EPHA6: variants seen among roughly 807,000 people sequenced by gnomAD.
EPHA6 encodes ephrin type-A receptor 6.
In EPHA6, 50 loss-of-function variants were observed where a neutral mutation model predicts 112.0. The observed-to-expected ratio is 0.45, with a 90% CI of 0.36 to 0.56. EPHA6 has a LOEUF of 0.56. EPHA6 is among the 20% of genes least tolerant of loss of function. The pLI, the probability that EPHA6 is intolerant of heterozygous loss-of-function variation, is 0.00. For missense variants in EPHA6, 1,280 were observed against 1,417.4 expected (o/e 0.90, Z 1.56); for synonymous variants, 529 against 490.7 (o/e 1.08, Z -1.03).
intron 5 of EPHA6, among the ~76,000 whole-genome samples, chr3:97,338,260 T>A (rs2083149815): frequency 6.6e-6 from 1 of 152,138 alleles, no homozygotes. Flanking sequence ...ATAGTCACAG[T>A]AGGTATGCAA....
In EPHA6 at chr3:96,945,938, G is replaced by A. The variant is rs144514534; in HGVS notation, c.451-41392G>A. ...AAAATACCATGTGTCTACCATTATA[G>A]TATCATACACAGTATATTCCTTGCC... On this transcript the variant is annotated intron_variant, in intron 2 of 17. Coordinates refer to ENST00000389672, the MANE Select transcript of EPHA6 (RefSeq NM_001080448.3). Among the ~76,000 whole-genome samples, 38 of 152,106 alleles carry A rather than the reference G, an allele frequency of 2.5e-4. No homozygotes were observed. The East Asian group carries it at 5.8e-3, about 23-fold the overall frequency.
At chr3:97,466,607 C>A (rs751913763) in intron 7 of EPHA6, 5 of 636,338 alleles carry the variant, frequency 7.9e-6, no homozygotes, top group African/African-American at 1.9e-5. Flanking sequence ...TCAGTATTCT[C>A]ATGTATTTGC....
At chr3:97,345,137 A>G (rs1358014238) in intron 5 of EPHA6, among the ~76,000 whole-genome samples, 2 of 152,206 alleles carry the variant, frequency 1.3e-5, no homozygotes, top group Non-Finnish European at 2.9e-5. Context: ...TCACATGTAC[A>G]TAACATTGAG....
intron 1 of EPHA6, among the ~76,000 whole-genome samples, chr3:96,858,750 A>G (rs1484130738): frequency 6.6e-6 from 1 of 152,108 alleles, no homozygotes; most frequent in Non-Finnish European, 1.5e-5. Flanking sequence ...AAATGGGGAT[A>G]GATGTCCAGG....
rs1318763310 is a variant in EPHA6 at position 97,646,261 on chromosome 3, C to A, written c.2784+8179C>A. ...AAGAGAAACAGAAGGGCCATGGGAGCCAGTGGCCAGACCAGAAAGCAATGT... is the reference window on the plus strand; with the variant it reads ...AAGAGAAACAGAAGGGCCATGGGAGACAGTGGCCAGACCAGAAAGCAATGT... On this transcript the variant is annotated intron_variant, in intron 14 of 17. Coordinates refer to ENST00000389672, the MANE Select transcript of EPHA6 (RefSeq NM_001080448.3). 5 of 1,533,912 alleles carry A rather than the reference C, an allele frequency of 3.3e-6. No individual in the cohort carries two copies. The African/African-American group carries it at 6.9e-5, about 21-fold the overall frequency.
At chr3:96,927,172 G>A (rs574169455) in intron 2 of EPHA6, among the ~76,000 whole-genome samples, 3 of 152,324 alleles carry the variant, frequency 2.0e-5, no homozygotes, top group East Asian at 1.9e-4. Context: ...AGCAACAGCC[G>A]GAGCTGTACC....
chr3:97,525,286 T>G (rs1210673945), intron 10 of EPHA6, among the ~76,000 whole-genome samples: 2 of 152,176 alleles, frequency 1.3e-5, no homozygotes, highest in East Asian at 3.9e-4. Flanking sequence ...TTCAAACTAT[T>G]GAGTTTTTCA....
intron 2 of EPHA6, among the ~76,000 whole-genome samples, chr3:96,963,360 C>T (rs2042013487): frequency 6.6e-6 from 1 of 152,212 alleles, no homozygotes; most frequent in East Asian, 1.9e-4. Context: ...TTTCCATCCC[C>T]TCATGCACAA....
chr3:97,590,693 T>A (rs2093535411), intron 11 of EPHA6, among the ~76,000 whole-genome samples: 1 of 152,172 alleles, frequency 6.6e-6, no homozygotes, highest in Admixed American at 6.5e-5. Flanking sequence ...AATAAATCCA[T>A]AATCAGCTAA....
chr3:97,545,775 A>G (rs973302833), intron 11 of EPHA6, among the ~76,000 whole-genome samples: 8 of 152,156 alleles, frequency 5.3e-5, no homozygotes, highest in Non-Finnish European at 8.8e-5. Flanking sequence ...TATATTTAGG[A>G]TAGTTAGCTC....
chr3:97,113,865 A>C (rs2108288046), intron 3 of EPHA6, among the ~76,000 whole-genome samples: 1 of 152,272 alleles, frequency 6.6e-6, no homozygotes, highest in African/African-American at 2.4e-5. Context: ...AAAGAAAAAC[A>C]AAAACAATAT....
At chr3:96,964,262 G>T (rs1460042056) in intron 2 of EPHA6, among the ~76,000 whole-genome samples, 3 of 152,132 alleles carry the variant, frequency 2.0e-5, no homozygotes, top group African/African-American at 7.2e-5. Context: ...CCTGAGGCTG[G>T]AAGGCCCAAT....
At chr3:97,448,827 C>T in intron 7 of EPHA6, 97 bp downstream of exon 7, 2 of 1,136,376 alleles carry the variant, frequency 1.8e-6, no homozygotes, top group Non-Finnish European at 2.6e-6. Context: ...TTTTTAATAG[C>T]TTGTTTAAAT....
intron 14 of EPHA6, among the ~76,000 whole-genome samples, chr3:97,675,150 A>G (rs2031242902): frequency 6.6e-6 from 1 of 152,204 alleles, no homozygotes; most frequent in Admixed American, 6.6e-5. Context: ...GTTAAACAAA[A>G]CATGCAGAAC....
chr3:96,855,942 G>A (rs1447979513), intron 1 of EPHA6, among the ~76,000 whole-genome samples: 1 of 152,086 alleles, frequency 6.6e-6, no homozygotes, highest in Non-Finnish European at 1.5e-5. Flanking sequence ...GACTTGGCCT[G>A]GGTGGCTTTC....
chr3:97,696,153 A>G (rs189054194), intron 14 of EPHA6, among the ~76,000 whole-genome samples: 3 of 152,304 alleles, frequency 2.0e-5, no homozygotes, highest in East Asian at 1.9e-4. Flanking sequence ...TTTTTCCCCA[A>G]CACTGCTTGT....
intron 4 of EPHA6, among the ~76,000 whole-genome samples, chr3:97,233,183 G>A (rs2078580939): frequency 6.6e-6 from 1 of 152,000 alleles, no homozygotes; most frequent in South Asian, 2.1e-4. Context: ...TGACATTCTT[G>A]GGGTGGAGGG....
chr3:97,266,767 T>C (rs1400946290), intron 5 of EPHA6, among the ~76,000 whole-genome samples: 1 of 131,122 alleles, frequency 7.6e-6, no homozygotes, highest in Non-Finnish European at 1.5e-5. Context: ...TCTGGAAAAC[T>C]AGTAAAGGAT....
intron 10 of EPHA6, among the ~76,000 whole-genome samples, chr3:97,484,975 A>C (rs1346554001): frequency 6.6e-6 from 1 of 152,252 alleles, no homozygotes; most frequent in African/African-American, 2.4e-5. Flanking sequence ...ATTGCTAGAG[A>C]GTTTGGAAAC....
Sources: allele counts gnomAD v4.1 joint callset (sites outside exome capture counted in the v4.1 genomes callset), GRCh38; gene constraint gnomAD v4.1.1; transcripts MANE v1.5; gene names NCBI Gene and HGNC (gene_info 2026-07-23, HGNC 2026-07-21).